GRK5: variants seen among roughly 807,000 people sequenced by gnomAD.
The protein encoded by GRK5 is g protein-coupled receptor kinase GRK5.
GRK5 carries 40 observed loss-of-function variants against 78.4 expected under a neutral mutation model. The observed-to-expected ratio is 0.51, with a 90% CI of 0.40 to 0.66. GRK5 has a LOEUF of 0.66. GRK5 is among the 30% of genes least tolerant of loss of function. The pLI is 0.00. For synonymous variants in GRK5, 289 were observed against 296.8 expected, an observed-to-expected ratio of 0.97 and a Z score of 0.27; for missense variants, 598 against 759.9, an observed-to-expected ratio of 0.79 and a Z score of 2.50.
At chr10:119,347,614 A>C (rs1303773713) in intron 2 of GRK5, among the ~76,000 whole-genome samples, 1 of 152,256 alleles carries the variant, frequency 6.6e-6, no homozygotes. Flanking sequence ...CCGGGACGGC[A>C]ATGGGGTGTT....
chr10:119,385,843 A>G (rs555801374), intron 3 of GRK5, among the ~76,000 whole-genome samples: 1 of 152,048 alleles, frequency 6.6e-6, no homozygotes, highest in Admixed American at 6.5e-5. Context: ...TTCATGAGAA[A>G]GATCTGGGCT....
intron 12 of GRK5, among the ~76,000 whole-genome samples, chr10:119,444,849 C>T (rs1225283924): frequency 6.6e-6 from 1 of 152,248 alleles, no homozygotes; most frequent in Non-Finnish European, 1.5e-5. Context: ...ACCCAGGCAA[C>T]TCCCGGAGTT....
At chr10:119,260,160 C>T (rs1320488611) in intron 1 of GRK5, among the ~76,000 whole-genome samples, 1 of 152,050 alleles carries the variant, frequency 6.6e-6, no homozygotes, top group South Asian at 2.1e-4. Flanking sequence ...CCATCATGCC[C>T]GGCTAAATTT....
At chr10:119,220,668 CTA>C (rs989276334) in intron 1 of GRK5, among the ~76,000 whole-genome samples, 2 of 151,166 alleles carry the variant, frequency 1.3e-5, no homozygotes, top group African/African-American at 4.9e-5. Flanking sequence ...AACCCCGTCT[CTA>C]TTAAAAATCC....
At chr10:119,315,579 C>A (rs1036606153) in intron 1 of GRK5, among the ~76,000 whole-genome samples, 9 of 152,228 alleles carry the variant, frequency 5.9e-5, no homozygotes, top group African/African-American at 2.2e-4. Flanking sequence ...TCTGAGAACA[C>A]CCACAGCCTC....
intron 1 of GRK5, among the ~76,000 whole-genome samples, chr10:119,209,160 T>G (rs1355139193): frequency 6.6e-6 from 1 of 152,136 alleles, no homozygotes; most frequent in African/African-American, 2.4e-5. Context: ...CGATTCGTGT[T>G]TATTCAGCCC....
At chr10:119,394,391 T>TGTGTGTGTGGGC (rs1272000378) in intron 3 of GRK5, among the ~76,000 whole-genome samples, 1,406 of 92,380 alleles carry the variant, frequency 0.015, 187 homozygotes, top group Middle Eastern at 0.035. Context: ...TGTGTATCTG[T>TGTGTGTGTGGGC]GTCTGTGTGT....
intron 1 of GRK5, among the ~76,000 whole-genome samples, chr10:119,292,113 T>C (rs1258711447): frequency 3.2e-4 from 6 of 18,852 alleles, no homozygotes; most frequent in South Asian, 3.0e-3. Context: ...CCTTCTCCTC[T>C]TCCTCCCTCT....
At chr10:119,409,726 C>T (rs1852302781) in intron 4 of GRK5, among the ~76,000 whole-genome samples, 1 of 152,200 alleles carries the variant, frequency 6.6e-6, no homozygotes, top group African/African-American at 2.4e-5. Flanking sequence ...CCCCCAACCC[C>T]TTTATTTTGC....
chr10:119,260,936 G>C lies in GRK5; in HGVS notation c.52+52967G>C, dbSNP rs1478788364. ...AGCTGTTGGGCACACCTCCCAGACG[G>C]GGTGGTGGCCGGGCAGAGGGGCTCC... On this transcript the variant is annotated intron_variant, in intron 1 of 15. Coordinates refer to ENST00000392870, the MANE Select transcript of GRK5 (RefSeq NM_005308.3). 1.4e-3 allele frequency among the ~76,000 whole-genome samples: 218 copies of C among 152,202 alleles called. 8 individuals are homozygous for C. The South Asian group carries it at 0.043, about 30-fold the overall frequency.
intron 1 of GRK5, among the ~76,000 whole-genome samples, chr10:119,252,417 G>A (rs1014612474): frequency 6.6e-6 from 1 of 152,196 alleles, no homozygotes; most frequent in Non-Finnish European, 1.5e-5. Context: ...AGGGCTGGGG[G>A]TAGGGGAGAA....
intron 4 of GRK5, among the ~76,000 whole-genome samples, chr10:119,408,185 A>G (rs1292148183): frequency 1.7e-3 from 261 of 149,190 alleles, no homozygotes; most frequent in Admixed American, 2.8e-3. Context: ...AAAAAAAAAA[A>G]ATTAATTAGG....
intron 1 of GRK5, among the ~76,000 whole-genome samples, chr10:119,237,062 CT>C (rs11393484): frequency 1.1e-4 from 13 of 119,146 alleles, no homozygotes; most frequent in African/African-American, 2.3e-4. Flanking sequence ...TTTGCCTTAC[CT>C]TTTTTTTTTT....
intron 13 of GRK5, among the ~76,000 whole-genome samples, chr10:119,450,216 G>A (rs1853246905): frequency 1.3e-5 from 2 of 152,290 alleles, no homozygotes; most frequent in South Asian, 4.1e-4. Flanking sequence ...CCAGACTGGG[G>A]GTGTGGCAAA....
intron 1 of GRK5, among the ~76,000 whole-genome samples, chr10:119,291,853 T>C (rs1031506358): frequency 6.6e-6 from 1 of 150,446 alleles, no homozygotes; most frequent in Non-Finnish European, 1.5e-5. Context: ...ATTCTCTTCC[T>C]TCTTCTCCTT....
intron 2 of GRK5, among the ~76,000 whole-genome samples, chr10:119,362,876 G>A (rs1430115543): frequency 1.3e-5 from 2 of 152,140 alleles, no homozygotes; most frequent in Non-Finnish European, 2.9e-5. Flanking sequence ...CTAAGCTGGT[G>A]AACACTCAGT....
At chr10:119,364,186 C>A (rs115664064) in intron 2 of GRK5, among the ~76,000 whole-genome samples, 3,206 of 152,280 alleles carry the variant, frequency 0.021, 129 homozygotes, top group African/African-American at 0.072. Flanking sequence ...CCTTGCAGAT[C>A]CAACCCCAGC....
Position 119,448,275 on chromosome 10 carries a change from C to A in GRK5, c.1404+15C>A, listed in dbSNP as rs771782298. The A allele has an allele frequency of 5.7e-6, 9 of 1,580,404 alleles. No individual in the cohort carries two copies. The highest frequency in any genetic ancestry group is 7.7e-6 in the Non-Finnish European group (9 of 1,167,260). ...TCGTTCCAGACGTGAGTAGCCTCCC[C>A]CAGCCCCCAGCAGCTCCCTTCACAG... On this transcript the variant is annotated intron_variant, in intron 13 of 15. Coordinates refer to ENST00000392870, the MANE Select transcript of GRK5 (RefSeq NM_005308.3).
chr10:119,277,068 C>T (rs141086139), intron 1 of GRK5, among the ~76,000 whole-genome samples: 50 of 152,322 alleles, frequency 3.3e-4, no homozygotes, highest in African/African-American at 1.1e-3. Flanking sequence ...CATGTGACCA[C>T]GTTTTAGCCT....
Sources: allele counts gnomAD v4.1 joint callset (sites outside exome capture counted in the v4.1 genomes callset), GRCh38; gene constraint gnomAD v4.1.1; transcripts MANE v1.5; gene names NCBI Gene and HGNC (gene_info 2026-07-23, HGNC 2026-07-21).